Variants in KMT2C observed in about 807,000 individuals in gnomAD.
KMT2C encodes lysine methyltransferase 2C.
In KMT2C, 88 loss-of-function variants were observed where a neutral mutation model predicts 507.9. That is an observed-to-expected ratio of 0.17 (90% CI 0.15 to 0.21). KMT2C has a LOEUF of 0.21. Ranked by LOEUF, KMT2C falls within the 10% of genes least tolerant of loss-of-function variation. The pLI is 1.00. For missense variants in KMT2C, 4,954 were observed against 5,957.8 expected, an observed-to-expected ratio of 0.83 and a Z score of 5.55; for synonymous variants, 2,049 against 2,080.8, an observed-to-expected ratio of 0.98 and a Z score of 0.42.
At chr7:152,329,667 G>A (rs1479885149) in intron 3 of KMT2C, among the ~76,000 whole-genome samples, 1 of 150,712 alleles carries the variant, frequency 6.6e-6, no homozygotes, top group Non-Finnish European at 1.5e-5. Flanking sequence ...GGGATGGAGG[G>A]GAAGGAGGGA....
At chr7:152,220,795 A>G (rs2094740686) in intron 22 of KMT2C, 60 bp from the exon 23 acceptor site, 1 of 1,286,794 alleles carries the variant, frequency 7.8e-7, no homozygotes, top group Non-Finnish European at 1.1e-6. Flanking sequence ...TTGACTGATT[A>G]CTGTTCCAAA....
At chr7:152,354,883 C>T (rs1339708166) in intron 2 of KMT2C, among the ~76,000 whole-genome samples, 7 of 152,088 alleles carry the variant, frequency 4.6e-5, no homozygotes. Context: ...TCACTGGAGT[C>T]TTTGGATGGT....
At chr7:152,278,397 C>T (rs1365061671) in intron 6 of KMT2C, among the ~76,000 whole-genome samples, 4 of 152,134 alleles carry the variant, frequency 2.6e-5, no homozygotes, top group African/African-American at 9.7e-5. Context: ...TCTCCTGCCT[C>T]AGTCTCCCAA....
chr7:152,298,717 G>T (rs377711016), intron 6 of KMT2C, among the ~76,000 whole-genome samples: 10 of 152,130 alleles, frequency 6.6e-5, no homozygotes, highest in African/African-American at 2.4e-4. Context: ...CACCACAGTG[G>T]TAACTATATG....
chr7:152,249,966 C>A lies in KMT2C; in HGVS notation c.1736-13G>T, dbSNP rs1433560008. 2 of 1,581,608 alleles carry A rather than the reference C, an allele frequency of 1.3e-6. No individual in the cohort carries two copies. The highest frequency in any genetic ancestry group is 1.7e-6 in the Non-Finnish European group (2 of 1,152,114). On this transcript the variant is annotated splice_polypyrimidine_tract_variant and intron_variant, in intron 12 of 58. Transcript: ENST00000262189. ...TGGACTTGAACCGCTGTGAGTAACA[C>A]ATTTATAAAATCTCTAAGGAGTCAA...
chr7:152,290,126 T>C (rs1371224416), intron 6 of KMT2C, among the ~76,000 whole-genome samples: 1 of 151,420 alleles, frequency 6.6e-6, no homozygotes, highest in Non-Finnish European at 1.5e-5. Flanking sequence ...AGTGAACCAA[T>C]ATTTTCCAAA....
At position 152,252,419 on chromosome 7, in the gene KMT2C, T is replaced by C. The variant is rs550203350; in HGVS notation, c.1469+127A>G. ...CAAAAACATCATTTAATTCCATCTA[T>C]AACAGCAATCAGTACTGATGGAATT... On this transcript the variant is annotated intron_variant, in intron 10 of 58. Coordinates refer to ENST00000262189, the MANE Select transcript of KMT2C (RefSeq NM_170606.3). 9.6e-6 allele frequency: 7 copies of C among 730,378 alleles called. No homozygotes were observed. The South Asian group carries it at 9.7e-5, about 10-fold the overall frequency. 45.2% of individuals were successfully genotyped at this position (730,378 alleles called of 1,614,324 possible).
intron 53 of KMT2C, 121 bp downstream of exon 53, chr7:152,146,478 G>A (rs915024140): frequency 2.7e-5 from 24 of 898,948 alleles, no homozygotes; most frequent in Middle Eastern, 2.9e-4. Context: ...TAAGAGAAAC[G>A]GGTTAATGCA....
At chr7:152,341,960 A>T (rs1240324160) in intron 2 of KMT2C, among the ~76,000 whole-genome samples, 1 of 152,204 alleles carries the variant, frequency 6.6e-6, no homozygotes, top group East Asian at 1.9e-4. Context: ...AGGCATATGT[A>T]GGGTTTATAC....
chr7:152,356,425 A>C (rs1321970417), intron 2 of KMT2C, among the ~76,000 whole-genome samples: 3 of 151,872 alleles, frequency 2.0e-5, no homozygotes, highest in African/African-American at 7.3e-5. Flanking sequence ...AAAATACAAA[A>C]ATTAGCCGGG....
In KMT2C at chr7:152,162,172, T is replaced by C. The variant is rs753255221; in HGVS notation, c.11405A>G (p.Asp3802Gly). Residue 3802 changes from aspartate (D) to glycine (G), a missense_variant, in exon 43 of 59, where the codon GAT (aspartate) becomes GGT (glycine). By Grantham distance (94) the Asp-to-Gly change is moderately conservative. Transcript: ENST00000262189. ...QKPEGSICSE[D>G]DCTKDNKLVE... ...TAGTTTATTATCCTTTGTACAGTCA[T>C]CTTCTGAACAAATACTGCCCTCAGG... 9.3e-6 allele frequency: 15 copies of C among 1,609,836 alleles called. No individual in the cohort carries two copies. Among genetic ancestry groups the C allele is most frequent in the Non-Finnish European group, 1.3e-5 (15 of 1,178,412 alleles).
At chr7:152,153,574 TTTC>T (rs2091818687) in intron 48 of KMT2C, among the ~76,000 whole-genome samples, 1 of 152,152 alleles carries the variant, frequency 6.6e-6, no homozygotes, top group South Asian at 2.1e-4. Flanking sequence ...AAAGAAGTTT[TTTC>T]TGAGATGGAC....
At chr7:152,390,779 TAC>T (rs919796441) in intron 1 of KMT2C, among the ~76,000 whole-genome samples, 11 of 151,328 alleles carry the variant, frequency 7.3e-5, no homozygotes, top group Non-Finnish European at 1.3e-4. Flanking sequence ...AGACACCTGC[TAC>T]ACACACACAC....
Position 152,324,174 on chromosome 7 carries a change from GAGAC to G in KMT2C, c.389+6423_389+6426del, listed in dbSNP as rs2096801956. The stretch of plus-strand genomic sequence containing the variant: ...ATTTGGTGCAAAGGATACGAAGGTT[GAGAC>G]AGGAGGAATAGGTTTTGAGATACAG... On this transcript the variant is annotated intron_variant, in intron 3 of 58. Transcript: ENST00000262189. Among the ~76,000 whole-genome samples, 13 of 151,678 alleles carry G rather than the reference GAGAC, an allele frequency of 8.6e-5. No homozygotes were observed. In the South Asian group the frequency reaches 2.7e-3, roughly 32 times the overall value.
chr7:152,345,248 A>G (rs901711527), intron 2 of KMT2C, among the ~76,000 whole-genome samples: 2 of 149,454 alleles, frequency 1.3e-5, no homozygotes, highest in African/African-American at 4.9e-5. Flanking sequence ...CAAAAAAACT[A>G]TTTTTTTTTT....
chr7:152,342,522 C>A (rs1277558380), intron 2 of KMT2C, among the ~76,000 whole-genome samples: 1 of 152,112 alleles, frequency 6.6e-6, no homozygotes, highest in African/African-American at 2.4e-5. Flanking sequence ...TCAATAAAGT[C>A]ACAGGGCAAA....
chr7:152,156,069 A>G lies in KMT2C; in HGVS notation c.11813-12T>C, dbSNP rs1470678331. The G allele has an allele frequency of 1.3e-6, 2 of 1,595,234 alleles. No individual in the cohort carries two copies. Reference sequence around the variant, plus strand: ...TAGAGTTTTGGTAACTGGAAAAGCAAAAACACAAAACCATAAATACATTCA... The same window carrying G: ...TAGAGTTTTGGTAACTGGAAAAGCAGAAACACAAAACCATAAATACATTCA... On this transcript the variant is annotated splice_polypyrimidine_tract_variant and intron_variant, in intron 45 of 58. Transcript: ENST00000262189.
intron 6 of KMT2C, among the ~76,000 whole-genome samples, chr7:152,277,974 T>C (rs1282697941): frequency 1.3e-5 from 2 of 148,882 alleles, no homozygotes; most frequent in African/African-American, 5.2e-5. Context: ...CATTTATGTA[T>C]GTGTGTGTGT....
rs77717122 is a variant in KMT2C, at chr7:152,377,738, A to C, written c.162-19063T>G. On this transcript the variant is annotated intron_variant, in intron 1 of 58. Transcript: ENST00000262189. The stretch of plus-strand genomic sequence containing the variant: ...CGACAAAGCGAGACTCCGTCTCAAA[A>C]AAAAAAAAAAAAAAAAGTGATTCCT... 6.1e-5 allele frequency among the ~76,000 whole-genome samples: 9 copies of C among 148,234 alleles called. No individual in the cohort carries two copies. The East Asian group carries it at 1.0e-3, about 16-fold the overall frequency.
Sources: allele counts gnomAD v4.1 joint callset (sites outside exome capture counted in the v4.1 genomes callset), GRCh38; gene constraint gnomAD v4.1.1; transcripts MANE v1.5; gene names NCBI Gene and HGNC (gene_info 2026-07-23, HGNC 2026-07-21).